TNS1: variants seen among roughly 807,000 people sequenced by gnomAD.
The protein encoded by TNS1 is tensin 1.
TNS1 carries 62 observed loss-of-function variants against 168.6 expected under a neutral mutation model. The observed-to-expected ratio is 0.37, with a 90% confidence interval of 0.30 to 0.45. TNS1 has a LOEUF of 0.45. Ranked by LOEUF, TNS1 falls within the 20% of genes least tolerant of loss-of-function variation. The pLI is 1.00. For synonymous variants in TNS1, 934 were observed against 933.2 expected (o/e 1.00, Z -0.02); for missense variants, 2,240 against 2,339.4 (o/e 0.96, Z 0.88).
intron 1 of TNS1, among the ~76,000 whole-genome samples, chr2:218,017,222 C>G (rs1042379287): frequency 1.3e-5 from 2 of 152,228 alleles, no homozygotes; most frequent in African/African-American, 4.8e-5. Flanking sequence ...CTTTCCCACC[C>G]CAAGGATCCC....
chr2:217,920,563 ATT>A (rs35026780), intron 3 of TNS1, among the ~76,000 whole-genome samples: 5,589 of 135,650 alleles, frequency 0.041, 225 homozygotes, highest in East Asian at 0.2. Context: ...AAGAAGAAGG[ATT>A]TTTTTTTTTT....
rs192149110 is a variant in TNS1, at chr2:217,993,720, C to T, written c.34-2664G>A. ...ACAAGGACATCACTGGGACCACTGGCGGGACTTCCCTGGGTCTAGACTGAA... is the reference window on the plus strand; with the variant it reads ...ACAAGGACATCACTGGGACCACTGGTGGGACTTCCCTGGGTCTAGACTGAA... On this transcript the variant is annotated intron_variant, in intron 1 of 32. Transcript: ENST00000682258. Among the ~76,000 whole-genome samples the T allele has an allele frequency of 2.9e-3, 446 of 152,308 alleles. 4 individuals are homozygous for T. Among genetic ancestry groups the T allele is most frequent in the African/African-American group, 0.01 (420 of 41,552 alleles).
At position 217,995,135 on chromosome 2, in the gene TNS1, G is replaced by A. The variant is rs1958445146; in HGVS notation, c.34-4079C>T. On this transcript the variant is annotated intron_variant, in intron 1 of 32. Coordinates refer to ENST00000682258, the MANE Select transcript of TNS1 (RefSeq NM_001387777.1). This position sits in a 1 kb window ranked among gnomAD's most constrained non-coding sequence, Gnocchi z 4.1. ...ACATCACTCCTCCAAGGAGGAGGCT[G>A]TGAAACTCTGGTAGGAGCGAGGGAC... is the stretch of plus-strand genomic sequence containing the variant. Among the ~76,000 whole-genome samples the A allele has an allele frequency of 6.6e-6, 1 of 152,190 alleles. No individual in the cohort carries two copies. Among genetic ancestry groups the A allele is most frequent in the Non-Finnish European group, 1.5e-5 (1 of 68,032 alleles).
In TNS1 at chr2:217,868,670, T is replaced by C. The variant is rs571584091; in HGVS notation, c.1429+12228A>G. Among the ~76,000 whole-genome samples, 10 of 152,318 alleles carry C rather than the reference T, an allele frequency of 6.6e-5. No individual in the cohort carries two copies. In the East Asian group the frequency reaches 1.9e-3, roughly 29 times the overall value. ...GACAGGTACTAGCCTTCTCCCCACT[T>C]TACAGGTGAGAACACTGAGGCCCAG... On this transcript the variant is annotated intron_variant, in intron 18 of 32. Transcript: ENST00000682258.
intron 19 of TNS1, among the ~76,000 whole-genome samples, chr2:217,841,765 C>G (rs976100723): frequency 6.6e-6 from 1 of 152,162 alleles, no homozygotes; most frequent in Admixed American, 6.5e-5. Context: ...GTAACACACC[C>G]AGCCTGAGCC....
chr2:217,973,438 G>A (rs1287029825), intron 3 of TNS1, among the ~76,000 whole-genome samples: 2 of 151,180 alleles, frequency 1.3e-5, no homozygotes, highest in Admixed American at 6.6e-5. Context: ...CAACAGGAGA[G>A]AAACAACTGG....
intron 1 of TNS1, among the ~76,000 whole-genome samples, chr2:218,031,500 CTGTG>C (rs1174463764): frequency 6.7e-6 from 1 of 148,708 alleles, no homozygotes; most frequent in Non-Finnish European, 1.5e-5. Context: ...GTGAGCAAGT[CTGTG>C]TGTATGAGTG....
chr2:217,842,828 G>A (rs888542533), intron 19 of TNS1, among the ~76,000 whole-genome samples: 3 of 152,076 alleles, frequency 2.0e-5, no homozygotes, highest in Non-Finnish European at 4.4e-5. Flanking sequence ...CTGCCTCGGG[G>A]CCTCTGCACT....
intron 16 of TNS1, among the ~76,000 whole-genome samples, chr2:217,884,131 G>A (rs1372700874): frequency 2.9e-5 from 4 of 139,482 alleles, no homozygotes; most frequent in African/African-American, 1.1e-4. Context: ...TGCTTGGTGG[G>A]TGGGTGGGTG....
Position 217,938,219 on chromosome 2 carries a change from A to G in TNS1, c.187-17983T>C, listed in dbSNP as rs1335372680. Among the ~76,000 whole-genome samples, 3 of 152,170 alleles carry G rather than the reference A, an allele frequency of 2.0e-5. 1 individual carries two copies. The highest frequency in any genetic ancestry group is 4.4e-5 in the Non-Finnish European group (3 of 68,024). ...GGGCGGGCCAGGGGTCCGGAAATGG[A>G]GTTCACCCCCGACCCAGAGCAACCC... On this transcript the variant is annotated intron_variant, in intron 3 of 32. Transcript: ENST00000682258.
chr2:217,862,115 T>A (rs1274445458), intron 18 of TNS1, among the ~76,000 whole-genome samples: 5 of 152,074 alleles, frequency 3.3e-5, no homozygotes, highest in African/African-American at 1.2e-4. Context: ...CCTGCAGAGA[T>A]GAATTCAGCC....
At chr2:217,921,562 G>A (rs1218212964) in intron 3 of TNS1, among the ~76,000 whole-genome samples, 1 of 152,224 alleles carries the variant, frequency 6.6e-6, no homozygotes, top group African/African-American at 2.4e-5. Flanking sequence ...TGTGCTCCAA[G>A]CTCTGGAAGG....
intron 1 of TNS1, among the ~76,000 whole-genome samples, chr2:218,001,497 C>A (rs959123432): frequency 6.6e-6 from 1 of 152,044 alleles, no homozygotes; most frequent in African/African-American, 2.4e-5. Context: ...CTTGTGTCAC[C>A]CCTGGACGTC....
At chr2:217,975,213 G>A (rs1957864210) in intron 3 of TNS1, among the ~76,000 whole-genome samples, 1 of 152,046 alleles carries the variant, frequency 6.6e-6, no homozygotes, top group African/African-American at 2.4e-5. Context: ...TGATCCTCCA[G>A]CCCCAGTCAG....
At position 218,032,420 on chromosome 2, in the gene TNS1, CAGG is replaced by C. The variant is rs1461563561; in HGVS notation, c.156+1397_156+1399del. ...GTAGGAGAGGGCTGTGCTGAGGGGA[CAGG>C]AGAATAGCGAGGCTGGGTGTGGACA... On this transcript the variant is annotated intron_variant, in intron 1 of 1. Transcript: ENST00000649572. This position sits in a 1 kb window ranked among gnomAD's most constrained non-coding sequence, Gnocchi z 4.0. 6.6e-6 allele frequency among the ~76,000 whole-genome samples: 1 copy of C among 151,980 alleles called. No individual in the cohort carries two copies. The highest frequency in any genetic ancestry group is 1.5e-5 in the Non-Finnish European group (1 of 67,990).
At chr2:217,930,685 T>A (rs984893682) in intron 3 of TNS1, among the ~76,000 whole-genome samples, 1 of 151,634 alleles carries the variant, frequency 6.6e-6, no homozygotes, top group Non-Finnish European at 1.5e-5. Flanking sequence ...CATAAGAAGA[T>A]GGAGGGGCAG....
intron 2 of TNS1, among the ~76,000 whole-genome samples, chr2:217,980,217 G>T (rs1488264417): frequency 6.6e-6 from 1 of 152,078 alleles, no homozygotes; most frequent in Non-Finnish European, 1.5e-5. Flanking sequence ...GACCCCACCA[G>T]CCACCCAGCC....
At chr2:217,806,658 G>T (rs78451416) in intron 32 of TNS1, among the ~76,000 whole-genome samples, 8,976 of 152,232 alleles carry the variant, frequency 0.059, 476 homozygotes, top group Admixed American at 0.17. Flanking sequence ...ATGACCCTAT[G>T]AAGCCTGGAC....
chr2:217,971,011 A>C (rs1365253304), intron 3 of TNS1, among the ~76,000 whole-genome samples: 2 of 152,230 alleles, frequency 1.3e-5, no homozygotes, highest in African/African-American at 4.8e-5. Flanking sequence ...TGGTCTCCAG[A>C]AGCCATAGAC....
Sources: gnomAD v4.1 joint callset for allele counts (sites outside exome capture counted in the v4.1 genomes callset) on GRCh38, gnomAD v4.1.1 for gene constraint, Gnocchi (gnomAD v3.1) non-coding constraint, MANE v1.5 for transcripts, NCBI Gene and HGNC (gene_info 2026-07-23, HGNC 2026-07-21) for gene names.